DSCAM: variants seen among roughly 807,000 people sequenced by gnomAD.
DSCAM encodes the protein cell adhesion molecule DSCAM.
Under a neutral mutation model 217.7 loss-of-function variants are expected in DSCAM, and 47 were observed. The ratio of observed to expected loss-of-function variants is 0.22; its 90% CI spans 0.17 to 0.28. The LOEUF is 0.28. Ranked by LOEUF, DSCAM falls within the 10% of genes least tolerant of loss-of-function variation. The pLI is 1.00. For missense variants in DSCAM, 2,080 were observed against 2,618.3 expected (o/e 0.79, Z 4.49); for synonymous variants, 1,056 against 1,015.3 (o/e 1.04, Z -0.76).
At chr21:40,190,089 C>T (rs895515537) in intron 11 of DSCAM, among the ~76,000 whole-genome samples, 3 of 152,170 alleles carry the variant, frequency 2.0e-5, no homozygotes, top group African/African-American at 7.2e-5. Context: ...CAAACCTGTC[C>T]TTCTTCCATA....
intron 7 of DSCAM, 74 bp downstream of exon 7, chr21:40,339,045 G>C: frequency 1.9e-6 from 3 of 1,552,978 alleles, no homozygotes; most frequent in Non-Finnish European, 2.6e-6. Flanking sequence ...GACCCAGCTC[G>C]GTGCATGCAG....
Position 40,676,212 on chromosome 21 carries a change from CAA to C in DSCAM, c.508+16596_508+16597del, listed in dbSNP as rs1195965132. The stretch of plus-strand genomic sequence containing the variant: ...AAAACACTTAAATATTTTGATAAAA[CAA>C]GAGAGAAACATTCATCTTATGTCAA... On this transcript the variant is annotated intron_variant, in intron 3 of 32. Transcript: ENST00000400454. Among the ~76,000 whole-genome samples the C allele has an allele frequency of 2.0e-5, 3 of 152,098 alleles. No homozygotes were observed. In the East Asian group the frequency reaches 5.8e-4, roughly 29 times the overall value.
At chr21:40,273,064 T>C (rs1256559486) in intron 11 of DSCAM, among the ~76,000 whole-genome samples, 5 of 152,174 alleles carry the variant, frequency 3.3e-5, no homozygotes, top group Admixed American at 3.3e-4. Flanking sequence ...TCCTAGCCTC[T>C]GGCCTTTTAA....
At chr21:40,109,301 G>GA (rs138049320) in intron 20 of DSCAM, among the ~76,000 whole-genome samples, 5 of 152,026 alleles carry the variant, frequency 3.3e-5, no homozygotes, top group Admixed American at 6.6e-5. Context: ...AAATTTACAA[G>GA]AAAAAAATAA....
intron 3 of DSCAM, among the ~76,000 whole-genome samples, chr21:40,423,342 T>G (rs1434601242): frequency 2.7e-5 from 4 of 149,470 alleles, no homozygotes; most frequent in Admixed American, 2.7e-4. Flanking sequence ...TGACTCATTA[T>G]CCACAACGAG....
intron 3 of DSCAM, among the ~76,000 whole-genome samples, chr21:40,446,874 T>C (rs1191690456): frequency 1.3e-5 from 2 of 152,138 alleles, no homozygotes; most frequent in African/African-American, 4.8e-5. Flanking sequence ...GTTGGGGAAA[T>C]ACTAATGACA....
At chr21:40,447,605 T>C (rs963080130) in intron 3 of DSCAM, among the ~76,000 whole-genome samples, 2 of 152,356 alleles carry the variant, frequency 1.3e-5, no homozygotes, top group East Asian at 3.9e-4. Context: ...TGGCAAACTT[T>C]CCTTTTCTTG....
intron 16 of DSCAM, among the ~76,000 whole-genome samples, chr21:40,161,954 C>T (rs1423843911): frequency 6.6e-6 from 1 of 152,114 alleles, no homozygotes; most frequent in Non-Finnish European, 1.5e-5. Flanking sequence ...CTTAAGTTTA[C>T]AATTTGGAAA....
Position 40,211,775 on chromosome 21 carries a change from C to T in DSCAM, c.2357-22537G>A, listed in dbSNP as rs150407598. Among the ~76,000 whole-genome samples, 324 of 152,324 alleles carry T rather than the reference C, an allele frequency of 2.1e-3. 2 individuals are homozygous for T. Among genetic ancestry groups the T allele is most frequent in the African/African-American group, 7.3e-3 (305 of 41,568 alleles). ...AGAAGTGTTATCACACTTTCCACTGCATACTCTGCTAATAGGCACTTTTAT... is the reference window on the plus strand; with the variant it reads ...AGAAGTGTTATCACACTTTCCACTGTATACTCTGCTAATAGGCACTTTTAT... On this transcript the variant is annotated intron_variant, in intron 11 of 32. Transcript: ENST00000400454.
chr21:40,747,018 G>A (rs2091181621), intron 1 of DSCAM, among the ~76,000 whole-genome samples: 1 of 151,810 alleles, frequency 6.6e-6, no homozygotes. Context: ...TCGATCAAAT[G>A]AAAATATGCA....
chr21:40,364,907 T>C (rs544243952), intron 4 of DSCAM, among the ~76,000 whole-genome samples: 1 of 149,960 alleles, frequency 6.7e-6, no homozygotes, highest in South Asian at 2.1e-4. Context: ...TTTGTTATAT[T>C]TCAAGAATTT....
At chr21:40,081,568 G>C (rs554630171) in intron 24 of DSCAM, among the ~76,000 whole-genome samples, 1 of 152,144 alleles carries the variant, frequency 6.6e-6, no homozygotes, top group East Asian at 1.9e-4. Context: ...CCTGACAGGT[G>C]ATACCTGTGC....
At chr21:40,818,547 C>CAAAAAAAAAA (rs60730859) in intron 1 of DSCAM, among the ~76,000 whole-genome samples, 19 of 41,854 alleles carry the variant, frequency 4.5e-4, no homozygotes, top group East Asian at 1.3e-3. Flanking sequence ...CTCCGTCTCA[C>CAAAAAAAAAA]AAAAAAAAAA....
intron 11 of DSCAM, among the ~76,000 whole-genome samples, chr21:40,210,981 C>A (rs1434467836): frequency 6.6e-6 from 1 of 152,228 alleles, no homozygotes; most frequent in Non-Finnish European, 1.5e-5. Context: ...CTATTCCACA[C>A]CACAGAAGAA....
At chr21:40,449,668 T>C (rs1031926966) in intron 3 of DSCAM, among the ~76,000 whole-genome samples, 2 of 152,206 alleles carry the variant, frequency 1.3e-5, no homozygotes, top group Non-Finnish European at 2.9e-5. Flanking sequence ...TGTGTTCTTC[T>C]GGTGGCAGTT....
At chr21:40,146,767 A>G (rs1262238883) in intron 16 of DSCAM, among the ~76,000 whole-genome samples, 1 of 152,136 alleles carries the variant, frequency 6.6e-6, no homozygotes, top group Admixed American at 6.5e-5. Flanking sequence ...TACCTTTTTT[A>G]TTATAAACAA....
intron 11 of DSCAM, among the ~76,000 whole-genome samples, chr21:40,274,496 T>TA (rs1266603991): frequency 2.6e-5 from 4 of 152,196 alleles, no homozygotes; most frequent in Non-Finnish European, 4.4e-5. Context: ...GTTTATGGAC[T>TA]AAAAAATTGT....
rs374055479 is a variant in DSCAM at position 40,426,061 on chromosome 21, C to T, written c.509-56816G>A. On this transcript the variant is annotated intron_variant, in intron 3 of 32. Coordinates refer to ENST00000400454, the MANE Select transcript of DSCAM (RefSeq NM_001389.5). ...ATTGTTAAATTTGCACCTGTGAACA[C>T]ACATGGATTGGGGTCAGAGGGTGTG... Among the ~76,000 whole-genome samples, 9 of 152,336 alleles carry T rather than the reference C, an allele frequency of 5.9e-5. No individual in the cohort carries two copies. The East Asian group carries it at 1.7e-3, about 29-fold the overall frequency.
intron 3 of DSCAM, among the ~76,000 whole-genome samples, chr21:40,417,023 T>G (rs560983410): frequency 1.3e-5 from 2 of 152,266 alleles, no homozygotes; most frequent in South Asian, 4.2e-4. Flanking sequence ...AAAGGTGACA[T>G]TGGTCTGATT....
Sources: allele counts gnomAD v4.1 joint callset (sites outside exome capture counted in the v4.1 genomes callset), GRCh38; gene constraint gnomAD v4.1.1; transcripts MANE v1.5; gene names NCBI Gene and HGNC (gene_info 2026-07-23, HGNC 2026-07-21).